The following MED13L variants were observed in gnomAD, a reference collection of about 807,000 sequenced individuals.
MED13L encodes mediator of RNA polymerase II transcription subunit 13-like.
In MED13L, 7 loss-of-function variants were observed where a neutral mutation model predicts 220.9. The observed-to-expected ratio is 0.03, with a 90% CI of 0.02 to 0.06. The LOEUF is 0.06. Among genes scored for constraint, MED13L ranks in the 10% least tolerant of loss-of-function variants. The pLI, the probability that MED13L is intolerant of heterozygous loss-of-function variation, is 1.00. For synonymous variants in MED13L, 1,011 were observed against 1,015.2 expected (o/e 1.00, Z 0.08); for missense variants, 1,965 against 2,760.5 (o/e 0.71, Z 6.46).
intron 4 of MED13L, among the ~76,000 whole-genome samples, chr12:116,046,877 G>A (rs1183642174): frequency 6.6e-6 from 1 of 152,184 alleles, no homozygotes; most frequent in Non-Finnish European, 1.5e-5. Context: ...GGAGGCTGAG[G>A]CAGGAGAATG....
At chr12:116,182,391 T>C (rs186190660) in intron 2 of MED13L, among the ~76,000 whole-genome samples, 1 of 152,312 alleles carries the variant, frequency 6.6e-6, no homozygotes, top group Admixed American at 6.5e-5. Flanking sequence ...CTCCTATCTT[T>C]GGTCTCAACT....
chr12:116,226,654 A>C (rs1026697728), intron 2 of MED13L, among the ~76,000 whole-genome samples: 1 of 152,194 alleles, frequency 6.6e-6, no homozygotes, highest in Non-Finnish European at 1.5e-5. Flanking sequence ...AGATCACTTG[A>C]GGTCAGAAGT....
intron 2 of MED13L, among the ~76,000 whole-genome samples, chr12:116,111,933 A>AG (rs1459409761): frequency 6.6e-6 from 1 of 152,220 alleles, no homozygotes; most frequent in African/African-American, 2.4e-5. Context: ...GAAAATCAAG[A>AG]GGAAAAAAAT....
chr12:116,127,055 T>C (rs1344596378), intron 2 of MED13L, among the ~76,000 whole-genome samples: 3 of 152,230 alleles, frequency 2.0e-5, no homozygotes, highest in Non-Finnish European at 4.4e-5. Context: ...AGGCTATCAA[T>C]AGTTTGTCAA....
intron 23 of MED13L, among the ~76,000 whole-genome samples, chr12:115,978,888 A>G (rs181649834): frequency 6.6e-6 from 1 of 152,350 alleles, no homozygotes; most frequent in East Asian, 1.9e-4. Flanking sequence ...AACTTGCATA[A>G]TAAAAACTAT....
chr12:115,981,480 A>AT (rs1185908562), intron 22 of MED13L, among the ~76,000 whole-genome samples: 1 of 152,214 alleles, frequency 6.6e-6, no homozygotes, highest in African/African-American at 2.4e-5. Context: ...TCTATATAGA[A>AT]TTTTTTAAAA....
At chr12:116,250,167 T>G (rs1249484427) in intron 1 of MED13L, among the ~76,000 whole-genome samples, 1 of 150,980 alleles carries the variant, frequency 6.6e-6, no homozygotes, top group Non-Finnish European at 1.5e-5. Flanking sequence ...TAATATTAAC[T>G]ACAGACTTCT....
intron 3 of MED13L, among the ~76,000 whole-genome samples, chr12:116,102,697 CTTTTTCTTTTTTCTTTTTTT>C (rs1177792960): frequency 1.3e-3 from 98 of 73,306 alleles, no homozygotes; most frequent in African/African-American, 3.9e-3. Flanking sequence ...TTTTCTTTTT[CTTTTTCTTTTTTCTTTTTTT>C]TTTTTTTTTT....
chr12:116,210,070 C>T (rs1328303921), intron 2 of MED13L, among the ~76,000 whole-genome samples: 1 of 152,220 alleles, frequency 6.6e-6, no homozygotes, highest in African/African-American at 2.4e-5. Flanking sequence ...CAGCTGCCCT[C>T]CCTTCCCACT....
chr12:116,192,309 A>G (rs1357280231), intron 2 of MED13L, among the ~76,000 whole-genome samples: 2 of 152,218 alleles, frequency 1.3e-5, no homozygotes, highest in African/African-American at 4.8e-5. Flanking sequence ...TAACTGTCTA[A>G]TATCTGTTAG....
chr12:116,219,803 T>C (rs1233239684), intron 2 of MED13L, among the ~76,000 whole-genome samples: 2 of 152,076 alleles, frequency 1.3e-5, no homozygotes, highest in Non-Finnish European at 1.5e-5. Flanking sequence ...TGTTTTATTT[T>C]GTTTTGTTTC....
chr12:116,009,131 G>A lies in MED13L; in HGVS notation c.1282C>T (p.His428Tyr). The stretch of plus-strand genomic sequence containing the variant: ...ACTGCACAACGTTTTAAAAGCTTAT[G>A]CCTAAAATGAGAGTAAACAATTACA... ...TQRVSCSCSR[H>Y]KLLKRCAVGP... Residue 428 changes from histidine to tyrosine, a missense_variant and splice_region_variant, in exon 10 of 31, where the codon CAT (histidine) becomes TAT (tyrosine). His to Tyr is a moderately conservative substitution (Grantham distance 83). Around this residue, in one of 10 missense-constraint regions of MED13L, gnomAD observed 818 missense variants for 1,041.2 expected, o/e 0.79. Coordinates refer to ENST00000281928, the MANE Select transcript of MED13L (RefSeq NM_015335.5). 3.7e-6 allele frequency: 6 copies of A among 1,613,906 alleles called. No homozygotes were observed. The highest frequency in any genetic ancestry group is 5.1e-6 in the Non-Finnish European group (6 of 1,179,922).
At chr12:116,247,535 C>T (rs1871198043) in intron 1 of MED13L, among the ~76,000 whole-genome samples, 1 of 152,220 alleles carries the variant, frequency 6.6e-6, no homozygotes. Flanking sequence ...TCAAATTCTT[C>T]TCAGCCATAG....
At chr12:116,132,568 T>C (rs1876164336) in intron 2 of MED13L, among the ~76,000 whole-genome samples, 2 of 148,778 alleles carry the variant, frequency 1.3e-5, no homozygotes, top group East Asian at 2.0e-4. Context: ...TTCTACTTGC[T>C]TTTTTTTTTC....
chr12:116,019,839 C>T lies in MED13L; in HGVS notation c.759G>A (p.Ser253=), dbSNP rs754058371. ...CATATCCCAACTCGTCTTCCTCTTT[C>T]GATTCTTCTTTCTTTTTTAGCACCA... ...YPMVLKKKEE[S]KEEDELGYDD... The change falls in exon 6 of 31, where the codon TCG becomes TCA. Residue 253 remains serine, a synonymous_variant. Transcript: ENST00000281928. The T allele has an allele frequency of 1.9e-5, 30 of 1,613,842 alleles. No homozygotes were observed. The highest frequency in any genetic ancestry group is 2.2e-5 in the East Asian group (1 of 44,874).
At chr12:115,968,848 G>T in intron 28 of MED13L, 92 bp downstream of exon 28, 1 of 1,501,626 alleles carries the variant, frequency 6.7e-7, no homozygotes, top group Non-Finnish European at 9.2e-7. Context: ...ATCAAGAACT[G>T]TGCAAGTAGG....
In MED13L at chr12:116,065,744, A is replaced by C. The variant is rs1869870481; in HGVS notation, c.479+30925T>G. 3.3e-5 allele frequency among the ~76,000 whole-genome samples: 5 copies of C among 152,184 alleles called. No homozygotes were observed. The South Asian group carries it at 1.0e-3, about 32-fold the overall frequency. ...GTCTTCTACTTTGCTGTTTCTCTGAAGAGGGAATCACATTAGGCCATTAAG... is the reference window on the plus strand; with the variant it reads ...GTCTTCTACTTTGCTGTTTCTCTGACGAGGGAATCACATTAGGCCATTAAG... On this transcript the variant is annotated intron_variant, in intron 4 of 30. Transcript: ENST00000281928.
intron 1 of MED13L, among the ~76,000 whole-genome samples, chr12:116,275,107 T>C (rs1873704830): frequency 6.6e-6 from 1 of 152,056 alleles, no homozygotes; most frequent in Non-Finnish European, 1.5e-5. Context: ...GCATAATATA[T>C]GATAATTTGG....
intron 3 of MED13L, among the ~76,000 whole-genome samples, chr12:116,108,003 T>C (rs554669105): frequency 2.6e-5 from 4 of 152,076 alleles, no homozygotes; most frequent in African/African-American, 9.6e-5. Flanking sequence ...GGCAGGAGAA[T>C]TGCTTGAACC....
Sources: gnomAD v4.1 joint callset for allele counts (sites outside exome capture counted in the v4.1 genomes callset) on GRCh38, gnomAD v4.1.1 for gene constraint, gnomAD v4.1.1 regional missense constraint, MANE v1.5 for transcripts, NCBI Gene and HGNC (gene_info 2026-07-23, HGNC 2026-07-21) for gene names.